KIAA1328: variants seen among roughly 807,000 people sequenced by gnomAD.
KIAA1328 encodes the protein KIAA1328, also known as protein hinderin.
Under a neutral mutation model 68.1 loss-of-function variants are expected in KIAA1328, and 52 were observed. That is an observed-to-expected ratio of 0.76 (90% confidence interval 0.61 to 0.96). KIAA1328 has a LOEUF of 0.96. Among genes scored for constraint, KIAA1328 ranks in the 40% least tolerant of loss-of-function variants. KIAA1328 has a pLI of 0.00. For synonymous variants in KIAA1328, 232 were observed against 239.4 expected, an observed-to-expected ratio of 0.97 and a Z score of 0.28; for missense variants, 641 against 677.6, an observed-to-expected ratio of 0.95 and a Z score of 0.60.
chr18:37,083,879 G>A (rs2057022038), intron 7 of KIAA1328, among the ~76,000 whole-genome samples: 2 of 152,028 alleles, frequency 1.3e-5, no homozygotes, highest in Admixed American at 1.3e-4. Flanking sequence ...CTATAATTTT[G>A]AATTTTTAAA....
intron 9 of KIAA1328, among the ~76,000 whole-genome samples, chr18:37,203,821 T>A (rs527742758): frequency 6.6e-6 from 1 of 152,074 alleles, no homozygotes; most frequent in South Asian, 2.1e-4. Flanking sequence ...TCTTTTTTTT[T>A]TTTTTTGAGA....
At chr18:36,896,567 G>A (rs961327956) in intron 5 of KIAA1328, among the ~76,000 whole-genome samples, 4 of 152,092 alleles carry the variant, frequency 2.6e-5, no homozygotes, top group Admixed American at 2.6e-4. Context: ...ATGTAAATAA[G>A]CTCAGCAAAC....
intron 7 of KIAA1328, among the ~76,000 whole-genome samples, chr18:37,099,672 G>A (rs547145215): frequency 2.0e-3 from 306 of 152,198 alleles, no homozygotes; most frequent in Middle Eastern, 0.01. Flanking sequence ...GTTGACAGTG[G>A]GTTGTTAAAG....
intron 4 of KIAA1328, among the ~76,000 whole-genome samples, chr18:36,865,795 A>G (rs1388804209): frequency 6.6e-6 from 1 of 151,946 alleles, no homozygotes. Flanking sequence ...CTGACTCTTC[A>G]TGTTGGACCA....
In KIAA1328 at chr18:37,223,047, A is replaced by AGGGGGGGC; in HGVS notation, c.*820_*821insGGGGGGGC. The AGGGGGGGC allele has an allele frequency of 4.6e-6, 2 of 430,294 alleles. No homozygotes were observed. Among genetic ancestry groups the AGGGGGGGC allele is most frequent in the Non-Finnish European group, 5.7e-6 (2 of 349,440 alleles). 26.7% of individuals were successfully genotyped at this position (430,294 alleles called of 1,614,324 possible). ...ATTTACCCAAGTGTTCAGCTTATTC[A>AGGGGGGGC]CCCCACCCCCCCACCCCCCATCACA... On this transcript the variant is annotated 3_prime_UTR_variant, in exon 10 of 10. Transcript: ENST00000280020.
chr18:37,037,065 T>A (rs1225930160), intron 6 of KIAA1328, among the ~76,000 whole-genome samples: 1 of 152,240 alleles, frequency 6.6e-6, no homozygotes. Context: ...GAAGTGCTTG[T>A]ATTTTCTGTT....
chr18:36,969,540 G>A (rs988129473), intron 6 of KIAA1328, among the ~76,000 whole-genome samples: 2 of 152,118 alleles, frequency 1.3e-5, no homozygotes, highest in Non-Finnish European at 2.9e-5. Context: ...AAATCTAGAA[G>A]AAATTGATAA....
chr18:37,093,211 A>T (rs1242556869), intron 7 of KIAA1328, among the ~76,000 whole-genome samples: 1 of 152,256 alleles, frequency 6.6e-6, no homozygotes, highest in Non-Finnish European at 1.5e-5. Context: ...GGATGCACAG[A>T]TATCAATATA....
chr18:37,133,612 G>A lies in KIAA1328; in HGVS notation c.1233-26588G>A, dbSNP rs1357539459. ...CCGATCTCTGCTCACTGCAAGCTCC[G>A]CCTCCCAGGTTCACGCCATTCTCCT... On this transcript the variant is annotated intron_variant, in intron 7 of 9. Transcript: ENST00000280020. 5.5e-5 allele frequency among the ~76,000 whole-genome samples: 8 copies of A among 146,098 alleles called. No individual in the cohort carries two copies. The South Asian group carries it at 6.5e-4, about 12-fold the overall frequency.
At chr18:36,920,638 G>C (rs961364188) in intron 5 of KIAA1328, among the ~76,000 whole-genome samples, 4 of 152,188 alleles carry the variant, frequency 2.6e-5, no homozygotes, top group Non-Finnish European at 4.4e-5. Flanking sequence ...CCATTTCTAA[G>C]ATATGGCCTC....
intron 7 of KIAA1328, among the ~76,000 whole-genome samples, chr18:37,080,722 G>T (rs2056920935): frequency 6.6e-6 from 1 of 150,994 alleles, no homozygotes; most frequent in African/African-American, 2.4e-5. Context: ...TTGCAGTGCA[G>T]TGAGCCGAGA....
intron 9 of KIAA1328, among the ~76,000 whole-genome samples, chr18:37,176,822 G>T (rs539580416): frequency 8.5e-4 from 130 of 152,314 alleles, no homozygotes; most frequent in African/African-American, 2.9e-3. Context: ...GTTACCATTT[G>T]CTTCTCAAAT....
chr18:37,070,725 C>T (rs550450079), intron 7 of KIAA1328, among the ~76,000 whole-genome samples: 1 of 152,140 alleles, frequency 6.6e-6, no homozygotes, highest in East Asian at 1.9e-4. Flanking sequence ...TGCCCACCAC[C>T]ATGCCCGGCT....
chr18:36,876,310 T>G (rs1224813577), intron 4 of KIAA1328, among the ~76,000 whole-genome samples: 1 of 152,000 alleles, frequency 6.6e-6, no homozygotes, highest in African/African-American at 2.4e-5. Context: ...ACCAGACTAT[T>G]TTTTTGGTTG....
intron 6 of KIAA1328, among the ~76,000 whole-genome samples, chr18:37,046,468 TA>T (rs1435743241): frequency 6.6e-6 from 1 of 152,182 alleles, no homozygotes; most frequent in African/African-American, 2.4e-5. Flanking sequence ...TGAGACTACT[TA>T]AAGCTCCTCT....
At chr18:37,061,447 T>G (rs992429161) in intron 6 of KIAA1328, among the ~76,000 whole-genome samples, 10 of 152,200 alleles carry the variant, frequency 6.6e-5, no homozygotes, top group Non-Finnish European at 1.3e-4. Flanking sequence ...TTCATCAAGC[T>G]GTACACTGAA....
chr18:36,996,992 C>G (rs2053416760), intron 6 of KIAA1328, among the ~76,000 whole-genome samples: 1 of 152,072 alleles, frequency 6.6e-6, no homozygotes, highest in East Asian at 1.9e-4. Context: ...ATGAGACATT[C>G]AAATAGAAGG....
chr18:37,155,936 T>C (rs323285), intron 7 of KIAA1328, among the ~76,000 whole-genome samples: 141,373 of 152,292 alleles, frequency 0.93, 65,757 homozygotes, highest in East Asian at 1. Flanking sequence ...TCCTTATCTT[T>C]CAAGGTTAAG....
In KIAA1328 at chr18:37,067,117, A is replaced by T. The variant is rs770469851; in HGVS notation, c.804A>T (p.Thr268=). 9 of 1,613,894 alleles carry T rather than the reference A, an allele frequency of 5.6e-6. No individual in the cohort carries two copies. The Admixed American group carries it at 8.3e-5, about 15-fold the overall frequency. ...DLDKIPSETT[T]CNCESPGRKP... ...ATAAGATACCATCAGAGACCACAAC[A>T]TGTAATTGTGAATCTCCAGGGAGAA... Residue 268 remains threonine (T), a synonymous_variant, in exon 7 of 10, where the codon ACA becomes ACT. Coordinates refer to ENST00000280020, the MANE Select transcript of KIAA1328 (RefSeq NM_020776.3).
Sources: gnomAD v4.1 joint callset for allele counts (sites outside exome capture counted in the v4.1 genomes callset) on GRCh38, gnomAD v4.1.1 for gene constraint, MANE v1.5 for transcripts, NCBI Gene and HGNC (gene_info 2026-07-23, HGNC 2026-07-21) for gene names.